The following EYA1 variants were observed in gnomAD, a reference collection of about 807,000 sequenced individuals.
The protein encoded by EYA1 is protein phosphatase EYA1.
A neutral mutation model predicts 82.0 loss-of-function variants in EYA1; 16 were observed. The ratio of observed to expected loss-of-function variants is 0.20; its 90% CI spans 0.13 to 0.30. The LOEUF is 0.30. Among genes scored for constraint, EYA1 ranks in the 10% least tolerant of loss-of-function variants. EYA1 has a pLI of 1.00. For synonymous variants in EYA1, 261 were observed against 264.4 expected, an observed-to-expected ratio of 0.99 and a Z score of 0.12; for missense variants, 633 against 730.7, an observed-to-expected ratio of 0.87 and a Z score of 1.54.
chr8:71,283,041 C>T (rs1277503991), intron 9 of EYA1, among the ~76,000 whole-genome samples: 1 of 151,168 alleles, frequency 6.6e-6, no homozygotes, highest in Non-Finnish European at 1.5e-5. Flanking sequence ...TTAAACACTG[C>T]TCATGTTATT....
chr8:71,362,525 C>T (rs575892897), upstream of EYA1, among the ~76,000 whole-genome samples: 74 of 152,118 alleles, frequency 4.9e-4, no homozygotes, highest in Non-Finnish European at 9.7e-4. Flanking sequence ...AACGTACCTA[C>T]TACTGAAACA....
intron 12 of EYA1, among the ~76,000 whole-genome samples, chr8:71,221,994 A>AAAG (rs1809982175): frequency 6.6e-6 from 1 of 152,212 alleles, no homozygotes; most frequent in Non-Finnish European, 1.5e-5. Flanking sequence ...GCGAGCATAT[A>AAAG]AAGTCCTAGG....
intron 1 of EYA1, chr8:71,356,772 A>G: frequency 8.6e-7 from 1 of 1,156,270 alleles, no homozygotes; most frequent in Non-Finnish European, 1.1e-6. Flanking sequence ...TCACTGGCCT[A>G]TGACAGCTGC....
At chr8:71,288,259 T>C (rs920005969) in intron 9 of EYA1, among the ~76,000 whole-genome samples, 1 of 152,176 alleles carries the variant, frequency 6.6e-6, no homozygotes, top group East Asian at 1.9e-4. Flanking sequence ...GAAACTCCAA[T>C]AACTTTAAAT....
intron 2 of EYA1, among the ~76,000 whole-genome samples, chr8:71,394,054 T>A (rs1202443577): frequency 6.6e-5 from 10 of 152,238 alleles, no homozygotes; most frequent in Non-Finnish European, 1.0e-4. Flanking sequence ...ATGATGAGCA[T>A]TTTTTCAGTG....
chr8:71,241,582 C>G (rs1172915994), intron 12 of EYA1, among the ~76,000 whole-genome samples: 1 of 152,086 alleles, frequency 6.6e-6, no homozygotes, highest in East Asian at 1.9e-4. Flanking sequence ...CAAAAGTCAA[C>G]AATTAGAGTT....
intron 12 of EYA1, among the ~76,000 whole-genome samples, chr8:71,235,300 G>A (rs1811694958): frequency 6.6e-6 from 1 of 151,920 alleles, no homozygotes; most frequent in Non-Finnish European, 1.5e-5. Context: ...TCTTTACCAT[G>A]GTCTACAAGA....
chr8:71,310,221 T>C (rs972915005), intron 7 of EYA1, among the ~76,000 whole-genome samples: 2 of 147,594 alleles, frequency 1.4e-5, no homozygotes, highest in Non-Finnish European at 3.0e-5. Flanking sequence ...GCATTAAACA[T>C]ACGATGACAA....
intron 1 of EYA1, among the ~76,000 whole-genome samples, chr8:71,537,561 A>G (rs962336640): frequency 3.3e-5 from 5 of 152,204 alleles, no homozygotes; most frequent in Non-Finnish European, 7.3e-5. Flanking sequence ...AATGCTTTAC[A>G]GTTTACCAAG....
intron 2 of EYA1, among the ~76,000 whole-genome samples, chr8:71,517,191 C>A (rs1443602351): frequency 2.0e-5 from 3 of 151,900 alleles, no homozygotes; most frequent in African/African-American, 7.3e-5. Context: ...TGTTGATGAT[C>A]TCAGATCTAT....
intron 2 of EYA1, among the ~76,000 whole-genome samples, chr8:71,380,297 C>G (rs1353412360): frequency 6.6e-6 from 1 of 152,306 alleles, no homozygotes; most frequent in East Asian, 1.9e-4. Flanking sequence ...GCCCACGGCT[C>G]TTGCTACCAG....
At chr8:71,214,816 C>T (rs1218915692) in intron 16 of EYA1, among the ~76,000 whole-genome samples, 4 of 152,144 alleles carry the variant, frequency 2.6e-5, no homozygotes, top group Non-Finnish European at 4.4e-5. Flanking sequence ...CCCCTGAGAA[C>T]AAGAGCCATG....
At chr8:71,395,118 T>C (rs1438969602) in intron 2 of EYA1, among the ~76,000 whole-genome samples, 8 of 152,184 alleles carry the variant, frequency 5.3e-5, no homozygotes, top group Non-Finnish European at 1.2e-4. Flanking sequence ...ATAAGAATGC[T>C]TGTGATTTTT....
intron 2 of EYA1, among the ~76,000 whole-genome samples, chr8:71,391,281 C>G (rs933747861): frequency 6.6e-6 from 1 of 152,172 alleles, no homozygotes; most frequent in African/African-American, 2.4e-5. Flanking sequence ...CTGTACCCAG[C>G]CAAAAATTTT....
intron 2 of EYA1, among the ~76,000 whole-genome samples, chr8:71,419,227 G>A (rs1586680183): frequency 6.6e-6 from 1 of 152,076 alleles, no homozygotes; most frequent in Non-Finnish European, 1.5e-5. Context: ...TGGAAGCAAG[G>A]GAACCAAATA....
chr8:71,398,801 G>A (rs1284345457), intron 2 of EYA1, among the ~76,000 whole-genome samples: 1 of 152,336 alleles, frequency 6.6e-6, no homozygotes, highest in East Asian at 1.9e-4. Flanking sequence ...CGTGCTGGGA[G>A]AACCACTACT....
intron 2 of EYA1, among the ~76,000 whole-genome samples, chr8:71,400,500 A>G (rs1419299075): frequency 6.6e-6 from 1 of 152,064 alleles, no homozygotes; most frequent in Non-Finnish European, 1.5e-5. Context: ...ACACTTCTCA[A>G]AAGCAAACAT....
chr8:71,252,377 G>T (rs1363417451), intron 11 of EYA1, among the ~76,000 whole-genome samples: 1 of 151,904 alleles, frequency 6.6e-6, no homozygotes, highest in African/African-American at 2.4e-5. Flanking sequence ...ATGGAAAATG[G>T]ACTAACACAC....
chr8:71,506,711 T>C (rs1359805976), intron 2 of EYA1, among the ~76,000 whole-genome samples: 1 of 152,044 alleles, frequency 6.6e-6, no homozygotes, highest in Admixed American at 6.6e-5. Flanking sequence ...GATTCAAATG[T>C]AAAAAATAAA....
Sources: allele counts gnomAD v4.1 joint callset (sites outside exome capture counted in the v4.1 genomes callset), GRCh38; gene constraint gnomAD v4.1.1; transcripts MANE v1.5; gene names NCBI Gene and HGNC (gene_info 2026-07-23, HGNC 2026-07-21).